PLEKHA8: variants seen among roughly 807,000 people sequenced by gnomAD.
The protein encoded by PLEKHA8 is pleckstrin homology domain containing A8, also known as pleckstrin homology domain-containing family A member 8.
A neutral mutation model predicts 68.2 loss-of-function variants in PLEKHA8; 36 were observed. The observed-to-expected ratio is 0.53, with a 90% CI of 0.40 to 0.70. The LOEUF is 0.70. PLEKHA8 is among the 30% of genes least tolerant of loss of function. The pLI is 0.00. For missense variants in PLEKHA8, 505 were observed against 615.4 expected (o/e 0.82, Z 1.90); for synonymous variants, 211 against 216.1 (o/e 0.98, Z 0.20).
chr7:30,116,307 CATAT>C (rs754474627), intron 13 of PLEKHA8, among the ~76,000 whole-genome samples: 1 of 151,178 alleles, frequency 6.6e-6, no homozygotes, highest in Non-Finnish European at 1.5e-5. Flanking sequence ...TACATGTATA[CATAT>C]ATACATACAC....
chr7:30,093,435 C>A (rs1795490648), downstream of PLEKHA8, among the ~76,000 whole-genome samples: 1 of 152,182 alleles, frequency 6.6e-6, no homozygotes, highest in Non-Finnish European at 1.5e-5. Flanking sequence ...GCCCAGACAG[C>A]CTGCCTCTAA....
intron 5 of PLEKHA8, 162 bp downstream of exon 5, chr7:30,049,544 C>A: frequency 2.3e-6 from 2 of 860,342 alleles, no homozygotes; most frequent in Non-Finnish European, 3.4e-6. Flanking sequence ...CACCCCATAT[C>A]CAGTCAGTTA....
chr7:30,087,415 C>G (rs1034319139), downstream of PLEKHA8, among the ~76,000 whole-genome samples: 3 of 152,196 alleles, frequency 2.0e-5, no homozygotes, highest in Non-Finnish European at 2.9e-5. Context: ...TCCAGACCCA[C>G]CTGCCTACTG....
chr7:30,068,125 A>G (rs1488543815), intron 12 of PLEKHA8, among the ~76,000 whole-genome samples: 1 of 152,208 alleles, frequency 6.6e-6, no homozygotes, highest in Non-Finnish European at 1.5e-5. Context: ...TCTAACCTGT[A>G]TTAGCCTCAC....
intron 13 of PLEKHA8, among the ~76,000 whole-genome samples, chr7:30,111,800 G>A (rs560360276): frequency 1.3e-5 from 2 of 152,008 alleles, no homozygotes; most frequent in South Asian, 4.2e-4. Context: ...TGTATGGAAT[G>A]ATACATTTCT....
chr7:30,030,705 A>G (rs971138216), intron 1 of PLEKHA8, among the ~76,000 whole-genome samples: 13 of 152,244 alleles, frequency 8.5e-5, no homozygotes, highest in African/African-American at 3.1e-4. Flanking sequence ...CCAGATATAC[A>G]TAGAATGATG....
chr7:30,099,050 C>T (rs1254263913), intron 13 of PLEKHA8, among the ~76,000 whole-genome samples: 3 of 152,156 alleles, frequency 2.0e-5, no homozygotes, highest in Non-Finnish European at 4.4e-5. Flanking sequence ...GCCACCGTGC[C>T]CAGCCTTTTC....
In PLEKHA8 at chr7:30,051,192, G is replaced by A. The variant is rs529231920; in HGVS notation, c.638+718G>A. On this transcript the variant is annotated intron_variant, in intron 6 of 13. Transcript: ENST00000449726. The stretch of plus-strand genomic sequence containing the variant: ...TGGTATTACAGGCTTGAGCCACTGT[G>A]CCCGGCCTCAAATTATTTAATAGTT... 1.3e-3 allele frequency among the ~76,000 whole-genome samples: 196 copies of A among 152,260 alleles called. 1 individual carries two copies. The highest frequency in any genetic ancestry group is 4.5e-3 in the African/African-American group (185 of 41,538).
intron 13 of PLEKHA8, among the ~76,000 whole-genome samples, chr7:30,128,156 G>C (rs1017941694): frequency 1.3e-5 from 2 of 150,596 alleles, no homozygotes; most frequent in African/African-American, 4.9e-5. Flanking sequence ...ACCCAGGCTG[G>C]AGTGCAGTGG....
At chr7:30,065,520 G>A (rs1463930882) in intron 12 of PLEKHA8, among the ~76,000 whole-genome samples, 1 of 150,244 alleles carries the variant, frequency 6.7e-6, no homozygotes, top group Non-Finnish European at 1.5e-5. Flanking sequence ...GCTCCTTGAT[G>A]CATATTTCTT....
At chr7:30,046,447 T>C (rs1203314298) in intron 3 of PLEKHA8, 82 bp downstream of exon 3, 4 of 1,460,634 alleles carry the variant, frequency 2.7e-6, no homozygotes, top group Admixed American at 5.0e-5. Context: ...GTTATCTTGC[T>C]TCTGACCACC....
rs763098465 is a variant in PLEKHA8 at position 30,083,487 on chromosome 7, G to A, written c.*4700G>A. 1.0e-6 allele frequency: 1 copy of A among 984,722 alleles called. No individual in the cohort carries two copies. Among genetic ancestry groups the A allele is most frequent in the Non-Finnish European group, 1.2e-6 (1 of 829,358 alleles). The allele number at this position is 984,722 out of a possible 1,614,324, so 61.0% of individuals were successfully genotyped here. A position where few individuals can be genotyped will look rare whatever the true frequency, so the allele number is the denominator to read the frequency against. ...CCTGTCTCAGACAGTCAATAGTCCT[G>A]TGTACAGTGACTATTTGCATGATTT... On this transcript the variant is annotated 3_prime_UTR_variant, in exon 14 of 14. Transcript: ENST00000449726.
intron 13 of PLEKHA8, among the ~76,000 whole-genome samples, chr7:30,123,469 A>T (rs940117943): frequency 6.6e-6 from 1 of 152,206 alleles, no homozygotes; most frequent in African/African-American, 2.4e-5. Flanking sequence ...CCGTCCTCAA[A>T]CACAGTGGGG....
chr7:30,028,461 G>C lies in PLEKHA8; in HGVS notation c.-302G>C. ...CCGGCAGCTCGTTCGCCGCACTTTG[G>C]AGGCTTCGGCTGCCCCTCCGACCCA... On this transcript the variant is annotated 5_prime_UTR_variant, in exon 1 of 14. Transcript: ENST00000449726. The C allele has an allele frequency of 3.2e-6, 1 of 316,836 alleles. No homozygotes were observed. 19.6% of individuals were successfully genotyped at this position (316,836 alleles called of 1,614,324 possible). A position where few individuals can be genotyped will look rare whatever the true frequency, so the allele number is the denominator to read the frequency against.
chr7:30,063,643 C>T (rs1470554949), intron 12 of PLEKHA8, among the ~76,000 whole-genome samples: 30 of 152,036 alleles, frequency 2.0e-4, no homozygotes, highest in Non-Finnish European at 7.4e-5. Flanking sequence ...AGAATTCTGC[C>T]CCCACGTGAT....
intron 13 of PLEKHA8, among the ~76,000 whole-genome samples, chr7:30,118,542 C>G (rs560480769): frequency 5.9e-5 from 9 of 151,928 alleles, no homozygotes; most frequent in Non-Finnish European, 1.2e-4. Flanking sequence ...CTGCTTCTTA[C>G]TGCATATCTT....
At chr7:30,119,541 T>C (rs951514633) in intron 13 of PLEKHA8, among the ~76,000 whole-genome samples, 1 of 152,198 alleles carries the variant, frequency 6.6e-6, no homozygotes, top group African/African-American at 2.4e-5. Flanking sequence ...GAATTGGAAG[T>C]CTCATTAATA....
At chr7:30,128,549 T>A (rs1796821031) in intron 13 of PLEKHA8, among the ~76,000 whole-genome samples, 2 of 152,240 alleles carry the variant, frequency 1.3e-5, no homozygotes, top group African/African-American at 4.8e-5. Context: ...TTTCTCGCTG[T>A]CTACTGGATT....
downstream of PLEKHA8, among the ~76,000 whole-genome samples, chr7:30,087,094 G>A (rs118174670): frequency 2.0e-5 from 3 of 152,166 alleles, no homozygotes; most frequent in Non-Finnish European, 4.4e-5. Context: ...CCAGTTTTAG[G>A]ACCTTTTGCT....
Sources: allele counts gnomAD v4.1 joint callset (sites outside exome capture counted in the v4.1 genomes callset), GRCh38; gene constraint gnomAD v4.1.1; transcripts MANE v1.5; gene names NCBI Gene and HGNC (gene_info 2026-07-23, HGNC 2026-07-21).